The following EXOC4 variants were observed in gnomAD, a reference collection of about 807,000 sequenced individuals.
EXOC4 encodes exocyst complex component 4.
A neutral mutation model predicts 107.2 loss-of-function variants in EXOC4; 71 were observed. The ratio of observed to expected loss-of-function variants is 0.66; its 90% CI spans 0.55 to 0.81. EXOC4 has a LOEUF of 0.81. Ranked by LOEUF, EXOC4 falls within the 30% of genes least tolerant of loss-of-function variation. EXOC4 has a pLI of 0.00. For synonymous variants in EXOC4, 456 were observed against 441.2 expected (o/e 1.03, Z -0.42); for missense variants, 1,108 against 1,189.6 (o/e 0.93, Z 1.01).
intron 7 of EXOC4, among the ~76,000 whole-genome samples, chr7:133,421,644 A>G (rs1797609817): frequency 6.6e-6 from 1 of 152,184 alleles, no homozygotes; most frequent in African/African-American, 2.4e-5. Context: ...TGTATAACAC[A>G]TAATTCTAAA....
At position 133,550,654 on chromosome 7, in the gene EXOC4, C is replaced by T. The variant is rs368587131; in HGVS notation, c.1417+70516C>T. Among the ~76,000 whole-genome samples the T allele has an allele frequency of 1.4e-4, 22 of 152,126 alleles. 1 individual carries two copies. The South Asian group carries it at 2.5e-3, about 17-fold the overall frequency. ...TTAATATCAGAAAATAAGAGATAAG[C>T]GTAAGCACCAACCTTAACTGAGATG... On this transcript the variant is annotated intron_variant, in intron 9 of 17. Transcript: ENST00000253861.
At chr7:133,368,679 G>A (rs903180558) in intron 6 of EXOC4, among the ~76,000 whole-genome samples, 11 of 151,186 alleles carry the variant, frequency 7.3e-5, no homozygotes, top group African/African-American at 2.7e-4. Flanking sequence ...GTTTCTAACT[G>A]GTATTTATAC....
chr7:133,876,916 T>C (rs777285483), intron 11 of EXOC4, among the ~76,000 whole-genome samples: 1 of 152,166 alleles, frequency 6.6e-6, no homozygotes, highest in African/African-American at 2.4e-5. Context: ...GTTTTTGTTA[T>C]CTTCCATTTG....
chr7:133,537,831 A>C (rs1800303890), intron 9 of EXOC4, among the ~76,000 whole-genome samples: 1 of 152,234 alleles, frequency 6.6e-6, no homozygotes, highest in African/African-American at 2.4e-5. Flanking sequence ...ATCAGTGCTC[A>C]AGTGTCATCG....
At chr7:133,941,734 T>C (rs1203819042) in intron 14 of EXOC4, among the ~76,000 whole-genome samples, 2 of 151,916 alleles carry the variant, frequency 1.3e-5, no homozygotes, top group African/African-American at 4.8e-5. Flanking sequence ...ATGCATTGAC[T>C]CATACAGCAG....
chr7:133,356,471 G>T lies in EXOC4; in HGVS notation c.905G>T (p.Arg302Leu), dbSNP rs762300660. ...IPETVKAIIE[R>L]LEQELKQIVK... ...GAAACAGTTAAGGCAATCATAGAGC[G>T]CTTGGAGCAGGAGTTGAAGCAAATT... is the stretch of plus-strand genomic sequence containing the variant. The change falls in exon 6 of 18, where the codon CGC becomes CTC. Residue 302 changes from arginine (R) to leucine (L), a missense_variant. Physicochemically the swap from Arg to Leu is moderately radical, Grantham distance 102. Transcript: ENST00000253861. 2 of 1,614,166 alleles carry T rather than the reference G, an allele frequency of 1.2e-6. No homozygotes were observed. The highest frequency in any genetic ancestry group is 1.7e-6 in the Non-Finnish European group (2 of 1,180,042).
At chr7:133,629,737 T>G (rs1469374309) in intron 9 of EXOC4, among the ~76,000 whole-genome samples, 1 of 151,646 alleles carries the variant, frequency 6.6e-6, no homozygotes, top group African/African-American at 2.4e-5. Flanking sequence ...GAGATGGGGT[T>G]TCACCATATT....
chr7:133,493,207 C>T (rs1369247578), intron 9 of EXOC4, among the ~76,000 whole-genome samples: 3 of 152,124 alleles, frequency 2.0e-5, no homozygotes, highest in African/African-American at 7.2e-5. Flanking sequence ...GGTGGATCAC[C>T]TGAGGTCAGC....
chr7:133,488,155 A>C (rs929988139), intron 9 of EXOC4, among the ~76,000 whole-genome samples: 3 of 152,168 alleles, frequency 2.0e-5, no homozygotes, highest in Admixed American at 6.5e-5. Context: ...TATCAATAGA[A>C]ATTTTCCTTT....
At chr7:133,800,547 T>G (rs1456213583) in intron 10 of EXOC4, among the ~76,000 whole-genome samples, 1 of 152,240 alleles carries the variant, frequency 6.6e-6, no homozygotes, top group Admixed American at 6.5e-5. Flanking sequence ...TAAAGTAGTA[T>G]TAAGTAATAT....
At chr7:133,397,348 G>A (rs1156242282) in intron 7 of EXOC4, among the ~76,000 whole-genome samples, 2 of 150,838 alleles carry the variant, frequency 1.3e-5, no homozygotes, top group Non-Finnish European at 2.9e-5. Flanking sequence ...TGGTCAGGGT[G>A]GTCTCGAAAT....
At chr7:133,972,889 T>C (rs1021931212) in intron 14 of EXOC4, among the ~76,000 whole-genome samples, 1 of 152,198 alleles carries the variant, frequency 6.6e-6, no homozygotes, top group Non-Finnish European at 1.5e-5. Flanking sequence ...TCTTCTCCAG[T>C]AGGCATCCCC....
chr7:134,067,638 T>TACACAC (rs60853968), downstream of EXOC4, among the ~76,000 whole-genome samples: 4 of 132,070 alleles, frequency 3.0e-5, no homozygotes, highest in African/African-American at 8.1e-5. Context: ...TATATATATA[T>TACACAC]ACACACACAC....
chr7:134,014,553 G>A (rs1186249692), intron 17 of EXOC4, among the ~76,000 whole-genome samples: 1 of 152,096 alleles, frequency 6.6e-6, no homozygotes, highest in Non-Finnish European at 1.5e-5. Context: ...GTAACAAAAA[G>A]CTATTTTGTA....
intron 11 of EXOC4, among the ~76,000 whole-genome samples, chr7:133,877,799 C>T (rs950986057): frequency 1.3e-5 from 2 of 152,208 alleles, no homozygotes; most frequent in African/African-American, 4.8e-5. Flanking sequence ...ACCCTCCTCT[C>T]TCTTTGCGAA....
chr7:134,043,667 G>T (rs1795577739), intron 17 of EXOC4, among the ~76,000 whole-genome samples: 1 of 152,166 alleles, frequency 6.6e-6, no homozygotes, highest in East Asian at 1.9e-4. Context: ...CATCACCGTA[G>T]ACTCTGACAT....
intron 5 of EXOC4, among the ~76,000 whole-genome samples, chr7:133,344,242 A>G (rs191480804): frequency 2.2e-4 from 33 of 152,048 alleles, no homozygotes; most frequent in Non-Finnish European, 4.3e-4. Context: ...TTCCTATCCC[A>G]AATTCTTGTT....
chr7:134,026,869 G>T (rs1251638373), intron 17 of EXOC4, among the ~76,000 whole-genome samples: 1 of 152,146 alleles, frequency 6.6e-6, no homozygotes, highest in Non-Finnish European at 1.5e-5. Context: ...GTTAATAAAA[G>T]AGAAGGTTAC....
At chr7:133,862,234 G>A (rs1453190026) in intron 11 of EXOC4, among the ~76,000 whole-genome samples, 2 of 151,156 alleles carry the variant, frequency 1.3e-5, no homozygotes, top group African/African-American at 4.9e-5. Flanking sequence ...GTTCACGCCT[G>A]TAATTCTAGC....
Sources: gnomAD v4.1 joint callset for allele counts (sites outside exome capture counted in the v4.1 genomes callset) on GRCh38, gnomAD v4.1.1 for gene constraint, MANE v1.5 for transcripts, NCBI Gene and HGNC (gene_info 2026-07-23, HGNC 2026-07-21) for gene names.